Variants in ANO3 observed in about 807,000 individuals in gnomAD.
The protein encoded by ANO3 is anoctamin-3.
Under a neutral mutation model 144.8 loss-of-function variants are expected in ANO3, and 99 were observed. The ratio of observed to expected loss-of-function variants is 0.68; its 90% CI spans 0.58 to 0.81. ANO3 has a LOEUF of 0.81. Ranked by LOEUF, ANO3 falls within the 30% of genes least tolerant of loss-of-function variation. The probability of loss-of-function intolerance (pLI) is 0.00; values close to 1 mark genes in which losing one functional copy is unlikely to be tolerated. For synonymous variants in ANO3, 414 were observed against 392.6 expected, an observed-to-expected ratio of 1.05 and a Z score of -0.64; for missense variants, 905 against 1,202.2, an observed-to-expected ratio of 0.75 and a Z score of 3.66.
rs745734397 is a variant in ANO3, at chr11:26,191,361, C to CAT, written c.154+2040_154+2041dup. Among the ~76,000 whole-genome samples the CAT allele has an allele frequency of 7.6e-4, 115 of 150,826 alleles. 1 individual carries two copies. Among genetic ancestry groups the CAT allele is most frequent in the Admixed American group, 5.9e-3 (90 of 15,170 alleles). On this transcript the variant is annotated intron_variant, in intron 1 of 27. Transcript: ENST00000672621. ...ACACACACACACACACACACACACA[C>CAT]ATATATATATTTGACTCACTGACTG...
intron 1 of ANO3, among the ~76,000 whole-genome samples, chr11:26,440,665 C>T (rs983371783): frequency 2.0e-5 from 3 of 152,060 alleles, no homozygotes; most frequent in African/African-American, 7.2e-5. Context: ...CCACTGGAGG[C>T]GGCTGCAAGA....
intron 3 of ANO3, among the ~76,000 whole-genome samples, chr11:26,456,293 C>T (rs1287660800): frequency 6.6e-6 from 1 of 152,094 alleles, no homozygotes; most frequent in Admixed American, 6.5e-5. Context: ...AGGCAACCTA[C>T]AAAATGGGAC....
At chr11:26,510,119 C>T (rs12281917) in intron 5 of ANO3, among the ~76,000 whole-genome samples, 5,194 of 114,106 alleles carry the variant, frequency 0.046, 215 homozygotes, top group African/African-American at 0.13. Context: ...GGCTACATTG[C>T]GAGACTCCAT....
upstream of ANO3, among the ~76,000 whole-genome samples, chr11:26,331,117 A>C (rs1394216759): frequency 2.0e-5 from 3 of 152,146 alleles, no homozygotes; most frequent in Non-Finnish European, 4.4e-5. Flanking sequence ...AGTTACTTCA[A>C]AGTGGGAGCT....
intron 1 of ANO3, among the ~76,000 whole-genome samples, chr11:26,377,316 AT>A (rs1856440996): frequency 6.6e-6 from 1 of 152,142 alleles, no homozygotes; most frequent in African/African-American, 2.4e-5. Flanking sequence ...TTATAATGTG[AT>A]TTATGTCAAG....
chr11:26,565,081 TG>T, intron 14 of ANO3: 1 of 1,316,648 alleles, frequency 7.6e-7, no homozygotes. Context: ...TTTTCCAGCA[TG>T]GTGATTCCTT....
chr11:26,492,067 G>A (rs1053267424), intron 4 of ANO3, among the ~76,000 whole-genome samples: 4 of 152,146 alleles, frequency 2.6e-5, no homozygotes, highest in African/African-American at 9.7e-5. Flanking sequence ...TCACTCCAAT[G>A]TGGATAAGCA....
At chr11:26,226,613 C>A (rs1590203728) in intron 1 of ANO3, among the ~76,000 whole-genome samples, 1 of 152,050 alleles carries the variant, frequency 6.6e-6, no homozygotes, top group African/African-American at 2.4e-5. Flanking sequence ...GCATCATGGG[C>A]ATTTTCCTTG....
intron 26 of ANO3, among the ~76,000 whole-genome samples, chr11:26,659,254 A>G (rs1383929021): frequency 6.6e-6 from 1 of 152,156 alleles, no homozygotes; most frequent in Non-Finnish European, 1.5e-5. Context: ...AATATAGGTG[A>G]TTTGCCTGAG....
intron 4 of ANO3, among the ~76,000 whole-genome samples, chr11:26,469,301 C>T (rs1342163572): frequency 1.3e-5 from 2 of 151,764 alleles, no homozygotes; most frequent in Non-Finnish European, 2.9e-5. Flanking sequence ...CTGTAGACTG[C>T]TTAAACCTGG....
At chr11:26,633,109 A>G (rs974092599) in intron 18 of ANO3, among the ~76,000 whole-genome samples, 2 of 152,132 alleles carry the variant, frequency 1.3e-5, no homozygotes, top group Admixed American at 1.3e-4. Context: ...GTGTTGGTGT[A>G]TGTTTTCCTT....
At chr11:26,596,874 C>T (rs1303355499) in intron 14 of ANO3, among the ~76,000 whole-genome samples, 1 of 152,164 alleles carries the variant, frequency 6.6e-6, no homozygotes, top group Non-Finnish European at 1.5e-5. Context: ...CAGCTTTCTG[C>T]CTCTAGCCGA....
intron 14 of ANO3, among the ~76,000 whole-genome samples, chr11:26,578,079 G>A (rs1851037490): frequency 6.6e-6 from 1 of 152,182 alleles, no homozygotes; most frequent in Non-Finnish European, 1.5e-5. Flanking sequence ...TTTGAAGATA[G>A]AGATCAAAGA....
chr11:26,204,197 A>T (rs2133915057), intron 1 of ANO3, among the ~76,000 whole-genome samples: 1 of 152,216 alleles, frequency 6.6e-6, no homozygotes, highest in South Asian at 2.1e-4. Flanking sequence ...GCTTACACTC[A>T]GAACTTGCAA....
intron 1 of ANO3, among the ~76,000 whole-genome samples, chr11:26,311,075 A>G (rs1294195867): frequency 1.3e-5 from 2 of 152,214 alleles, no homozygotes; most frequent in Admixed American, 6.5e-5. Flanking sequence ...TGGTTTACGG[A>G]ATGGAAATTA....
intron 4 of ANO3, among the ~76,000 whole-genome samples, chr11:26,486,254 G>A (rs1860442335): frequency 6.6e-6 from 1 of 150,882 alleles, no homozygotes; most frequent in Non-Finnish European, 1.5e-5. Context: ...TCAGCTACTC[G>A]GGAGGCTGAG....
Position 26,202,628 on chromosome 11 carries a change from T to G in ANO3, c.154+13298T>G, listed in dbSNP as rs150039679. On this transcript the variant is annotated intron_variant, in intron 1 of 27. Coordinates refer to the ANO3 transcript ENST00000672621. ...GAACAGAAACCTTATGAATGAAATT[T>G]CTGTATAAAGTTAAAATATAAAGGG... Among the ~76,000 whole-genome samples, 45 of 151,750 alleles carry G rather than the reference T, an allele frequency of 3.0e-4. 1 individual carries two copies. The East Asian group carries it at 7.9e-3, about 27-fold the overall frequency.
intron 17 of ANO3, among the ~76,000 whole-genome samples, chr11:26,611,027 T>C (rs904123254): frequency 6.6e-6 from 1 of 152,136 alleles, no homozygotes; most frequent in Non-Finnish European, 1.5e-5. Context: ...GTCTTTCCTC[T>C]TTTTTTCTGT....
chr11:26,232,408 T>C (rs1488351892), intron 1 of ANO3, among the ~76,000 whole-genome samples: 2 of 151,420 alleles, frequency 1.3e-5, no homozygotes, highest in Non-Finnish European at 2.9e-5. Flanking sequence ...GGTTACATCA[T>C]AGGGGACCCT....
Sources: gnomAD v4.1 joint callset for allele counts (sites outside exome capture counted in the v4.1 genomes callset) on GRCh38, gnomAD v4.1.1 for gene constraint, MANE v1.5 for transcripts, NCBI Gene and HGNC (gene_info 2026-07-23, HGNC 2026-07-21) for gene names.